NOP14: variants seen among roughly 807,000 people sequenced by gnomAD.
NOP14 encodes the protein NOP14 nucleolar protein, also known as nucleolar protein 14.
In NOP14, 57 loss-of-function variants were observed where a neutral mutation model predicts 101.6. The observed-to-expected ratio is 0.56, with a 90% CI of 0.45 to 0.70. The LOEUF (loss-of-function observed/expected upper bound fraction) is 0.70. Among genes scored for constraint, NOP14 ranks in the 30% least tolerant of loss-of-function variants. The pLI is 0.00. For missense variants in NOP14, 1,134 were observed against 1,075.5 expected, an observed-to-expected ratio of 1.05 and a Z score of -0.76; for synonymous variants, 428 against 424.0, an observed-to-expected ratio of 1.01 and a Z score of -0.12.
intron 3 of NOP14, among the ~76,000 whole-genome samples, chr4:2,955,349 G>T (rs111855186): frequency 1.3e-5 from 1 of 76,244 alleles, no homozygotes; most frequent in Non-Finnish European, 2.5e-5. Flanking sequence ...ACGCCACGGC[G>T]CCCCCTCTAG....
chr4:2,942,371 G>T lies in NOP14; in HGVS notation c.1892-20C>A, dbSNP rs753787388. 6.2e-7 allele frequency: 1 copy of T among 1,609,262 alleles called. No individual in the cohort carries two copies. On this transcript the variant is annotated intron_variant, in intron 13 of 17. Coordinates refer to ENST00000416614, the MANE Select transcript of NOP14 (RefSeq NM_001291978.2). ...TGGAACCTGAATTCCAAGTGCGACA[G>T]GACAGAGATGGCCTGAACATTACTG...
Position 2,957,557 on chromosome 4 carries a change from T to A in NOP14, c.330+49A>T, listed in dbSNP as rs752511020. 7.5e-6 allele frequency: 12 copies of A among 1,605,366 alleles called. No homozygotes were observed. The East Asian group carries it at 2.2e-4, about 30-fold the overall frequency. ...AGTCAGCCTTCTCCTTGGCCTTGAC[T>A]TCCCTGTGAAATGTACAGCAAAAAC... is the stretch of plus-strand genomic sequence containing the variant. On this transcript the variant is annotated intron_variant, in intron 2 of 17. Transcript: ENST00000416614.
At chr4:2,953,286 A>G (rs1715146189) in intron 5 of NOP14, among the ~76,000 whole-genome samples, 1 of 152,178 alleles carries the variant, frequency 6.6e-6, no homozygotes, top group African/African-American at 2.4e-5. Flanking sequence ...TCCATCCAGA[A>G]ACACCACTTT....
chr4:2,959,319 G>A (rs187341361), intron 1 of NOP14, among the ~76,000 whole-genome samples: 2,908 of 152,292 alleles, frequency 0.019, 92 homozygotes, highest in African/African-American at 0.065. Context: ...GGGGCCGGGC[G>A]CGGTGGCTCA....
intron 3 of NOP14, among the ~76,000 whole-genome samples, chr4:2,956,233 C>T (rs573921097): frequency 6.6e-6 from 1 of 152,308 alleles, no homozygotes; most frequent in Admixed American, 6.5e-5. Flanking sequence ...GGAACTACAT[C>T]AATGCCACTG....
In NOP14 at chr4:2,952,545, G is replaced by T. The variant is rs1234878131; in HGVS notation, c.748-148C>A. ...AGCCACATCTACGTCTTTTCTTCTA[G>T]AGAGAAAACTGTTCTGATAAGCCCT... On this transcript the variant is annotated intron_variant, in intron 5 of 17. Transcript: ENST00000416614. 4 of 691,324 alleles carry T rather than the reference G, an allele frequency of 5.8e-6. No homozygotes were observed. The East Asian group carries it at 8.7e-5, about 15-fold the overall frequency. The allele number at this position is 691,324 out of a possible 1,614,324, so 42.8% of individuals were successfully genotyped here. A position where few individuals can be genotyped will look rare whatever the true frequency, so the allele number is the denominator to read the frequency against.
At chr4:2,943,458 G>A (rs1714375620) in intron 13 of NOP14, among the ~76,000 whole-genome samples, 3 of 152,216 alleles carry the variant, frequency 2.0e-5, no homozygotes, top group African/African-American at 7.2e-5. Flanking sequence ...AAGTGCTGAG[G>A]AAGCATCCAG....
chr4:2,956,950 G>A (rs1350292234), intron 2 of NOP14, 139 bp from the exon 3 acceptor site: 2 of 692,012 alleles, frequency 2.9e-6, no homozygotes, highest in Non-Finnish European at 4.6e-6. Context: ...GAGTATTTTG[G>A]GTCAACTAAG....
At chr4:2,944,643 G>A (rs1714476037) in intron 12 of NOP14, among the ~76,000 whole-genome samples, 1 of 152,170 alleles carries the variant, frequency 6.6e-6, no homozygotes, top group Admixed American at 6.6e-5. Context: ...CCGACCTCAG[G>A]TGATCCGCCC....
chr4:2,941,519 T>TGGCCCCAGCTC, intron 15 of NOP14, 63 bp downstream of exon 15: 10 of 1,508,536 alleles, frequency 6.6e-6, no homozygotes, highest in Non-Finnish European at 9.0e-6. Flanking sequence ...GCCACCAGCT[T>TGGCCCCAGCTC]GGCCCCAGCT....
intron 1 of NOP14, among the ~76,000 whole-genome samples, chr4:2,959,077 G>C (rs1442667314): frequency 6.6e-6 from 1 of 152,182 alleles, no homozygotes; most frequent in East Asian, 1.9e-4. Context: ...TTTGAAATGT[G>C]AAAGTGCTAT....
In NOP14 at chr4:2,957,566, A is replaced by G; in HGVS notation, c.330+40T>C. 7 of 1,610,044 alleles carry G rather than the reference A, an allele frequency of 4.3e-6. No homozygotes were observed. The South Asian group carries it at 6.6e-5, about 15-fold the overall frequency. On this transcript the variant is annotated intron_variant, in intron 2 of 17. Coordinates refer to ENST00000416614, the MANE Select transcript of NOP14 (RefSeq NM_001291978.2). ...TCTCCTTGGCCTTGACTTCCCTGTG[A>G]AATGTACAGCAAAAACCCTCCTCCA...
intron 12 of NOP14, 91 bp from the exon 13 acceptor site, chr4:2,944,317 C>G: frequency 8.4e-7 from 1 of 1,187,898 alleles, no homozygotes; most frequent in East Asian, 2.4e-5. Flanking sequence ...ACCACGCACC[C>G]CACTGAGCTT....
In NOP14 at chr4:2,944,235, G is replaced by T; in HGVS notation, c.1738-9C>A. On this transcript the variant is annotated splice_polypyrimidine_tract_variant and intron_variant, in intron 12 of 17. Coordinates refer to ENST00000416614, the MANE Select transcript of NOP14 (RefSeq NM_001291978.2). ...AGGGACAGGATGGGGCACTGGAAAG[G>T]AACATATGGGGGGTTACTGTCCTGG... 1 of 1,609,128 alleles carries T rather than the reference G, an allele frequency of 6.2e-7. No homozygotes were observed. The highest frequency in any genetic ancestry group is 1.1e-5 in the South Asian group (1 of 89,888).
At position 2,951,113 on chromosome 4, in the gene NOP14, C is replaced by CT; in HGVS notation, c.1002dup (p.Asp335ArgfsTer20). The CT allele has an allele frequency of 6.2e-7, 1 of 1,603,854 alleles. No individual in the cohort carries two copies. Among genetic ancestry groups the CT allele is most frequent in the Non-Finnish European group, 8.5e-7 (1 of 1,173,616 alleles). On this transcript the variant is annotated frameshift_variant and splice_region_variant. Transcript: ENST00000416614. LOFTEE classifies it high-confidence loss of function. ...AGAGAAAATGAAGGCAAACATCTTA[C>CT]TTTGTAGGAAAGCAAACGCCTGTCA... is the stretch of plus-strand genomic sequence containing the variant.
rs199652983 is a variant in NOP14 at position 2,946,475 on chromosome 4, C to T, written c.1572G>A (p.Ala524=). The T allele has an allele frequency of 1.2e-5, 19 of 1,614,176 alleles. No homozygotes were observed. The highest frequency in any genetic ancestry group is 9.3e-5 in the African/African-American group (7 of 75,056). ...CAATCATTTCTTCCATCTCATGCATCGCATCTCGGAGAACAAATTTGATAG... is the reference window on the plus strand; with the variant it reads ...CAATCATTTCTTCCATCTCATGCATTGCATCTCGGAGAACAAATTTGATAG... ...SDAIKFVLRD[A]MHEMEEMIET... Residue 524 remains alanine, a synonymous_variant, in exon 11 of 18, where the codon GCG becomes GCA. Transcript: ENST00000416614.
chr4:2,942,946 GC>G (rs934493954), intron 13 of NOP14, among the ~76,000 whole-genome samples: 78 of 152,198 alleles, frequency 5.1e-4, no homozygotes, highest in African/African-American at 1.7e-3. Flanking sequence ...GAGGTGCCGG[GC>G]CAAGCGAGAG....
rs376595868 is a variant in NOP14 at position 2,950,024 on chromosome 4, C to T, written c.1192G>A (p.Glu398Lys). 62 of 1,614,096 alleles carry T rather than the reference C, an allele frequency of 3.8e-5. No homozygotes were observed. The highest frequency in any genetic ancestry group is 5.1e-5 in the Non-Finnish European group (60 of 1,180,054). Residue 398 changes from glutamate (E) to lysine (K), a missense_variant, in exon 8 of 18, where the codon GAG becomes AAG. Physicochemically the swap from Glu to Lys is moderately conservative, Grantham distance 56 (BLOSUM62 1). Transcript: ENST00000416614. ...SEEENEKPAK[E>K]QRQTPGKGLI... is the part of the protein sequence containing the mutation. ...CCTTTCCCAGGAGTCTGCCTCTGCT[C>T]TTTTGCTGGCTTCTCGTTTTCTTCC...
At chr4:2,939,114 T>C (rs1713924125) in intron 17 of NOP14, 74 bp downstream of exon 17, 1 of 1,583,396 alleles carries the variant, frequency 6.3e-7, no homozygotes, top group Non-Finnish European at 8.6e-7. Context: ...AGGTGCCCGG[T>C]GCTCTGCCCA....
Sources: gnomAD v4.1 joint callset for allele counts (sites outside exome capture counted in the v4.1 genomes callset) on GRCh38, gnomAD v4.1.1 for gene constraint, MANE v1.5 for transcripts, NCBI Gene and HGNC (gene_info 2026-07-23, HGNC 2026-07-21) for gene names.